The following CALHM6 variants were observed in gnomAD, a reference collection of about 807,000 sequenced individuals.
CALHM6 encodes calcium homeostasis modulator family member 6.
In CALHM6, 15 loss-of-function variants were observed where a neutral mutation model predicts 12.7. That is an observed-to-expected ratio of 1.18 (90% CI 0.79 to 1.82). The LOEUF is 1.82. Among genes scored for constraint, CALHM6 ranks in the 40% most tolerant of loss-of-function variants. The pLI, the probability that CALHM6 is intolerant of heterozygous loss-of-function variation, is 0.00. For missense variants in CALHM6, 434 were observed against 421.0 expected, an observed-to-expected ratio of 1.03 and a Z score of -0.27; for synonymous variants, 212 against 193.7, an observed-to-expected ratio of 1.09 and a Z score of -0.78.
In CALHM6 at chr6:116,461,962, C is replaced by G; in HGVS notation, c.33C>G (p.His11Gln). The change falls in exon 2 of 3, where the codon CAC becomes CAG. Residue 11 changes from histidine (H) to glutamine (Q), a missense_variant. His to Gln is a conservative substitution (Grantham distance 24). Coordinates refer to ENST00000368605, the MANE Select transcript of CALHM6 (RefSeq NM_001010919.3). MEKFRAVLDLHVKHHSALGYG... is the reference protein window; with the variant it reads MEKFRAVLDLQVKHHSALGYG... ...AGTTTCGGGCGGTGCTGGACCTGCA[C>G]GTCAAGCACCACAGCGCCTTGGGCT... is the stretch of plus-strand genomic sequence containing the variant. 6.5e-7 allele frequency: 1 copy of G among 1,542,432 alleles called. No individual in the cohort carries two copies. The highest frequency in any genetic ancestry group is 8.8e-7 in the Non-Finnish European group (1 of 1,141,660).
Position 116,463,530 on chromosome 6 carries a change from A to T in CALHM6, c.773A>T (p.Gln258Leu). Residue 258 changes from glutamine to leucine, a missense_variant, in exon 3 of 3, where the codon CAG becomes CTG. Coordinates refer to ENST00000368605, the MANE Select transcript of CALHM6 (RefSeq NM_001010919.3). Reference sequence around the variant, plus strand: ...AACACTCCAAGCATGAAAGAGTGGCAGCAAATTTCATCACTGTATACTTTC... The same window carrying T: ...AACACTCCAAGCATGAAAGAGTGGCTGCAAATTTCATCACTGTATACTTTC... ...EYNTPSMKEWQQISSLYTFNP... is the reference protein window; with the variant it reads ...EYNTPSMKEWLQISSLYTFNP... 1 of 1,614,182 alleles carries T rather than the reference A, an allele frequency of 6.2e-7. No individual in the cohort carries two copies. The highest frequency in any genetic ancestry group is 8.5e-7 in the Non-Finnish European group (1 of 1,180,018).
Position 116,462,235 on chromosome 6 carries a change from C to T in CALHM6, c.306C>T (p.Ile102=), listed in dbSNP as rs1029491856. ...ALRGSLVCTQ[I]SAAAALAPLT... ...GCGGCTCCCTGGTGTGCACGCAAAT[C>T]AGCGCGGCCGCCGCGCTCGCGCCCC... Residue 102 remains isoleucine (I), a synonymous_variant, in exon 2 of 3, where the codon ATC becomes ATT. Coordinates refer to ENST00000368605, the MANE Select transcript of CALHM6 (RefSeq NM_001010919.3). 1.5e-6 allele frequency: 2 copies of T among 1,379,156 alleles called. No homozygotes were observed. Among genetic ancestry groups the T allele is most frequent in the Non-Finnish European group, 9.3e-7 (1 of 1,071,780 alleles). The allele number at this position is 1,379,156 out of a possible 1,614,324, so 85.4% of individuals were successfully genotyped here.
At position 116,462,339 on chromosome 6, in the gene CALHM6, G is replaced by A. The variant is rs926378531; in HGVS notation, c.410G>A (p.Arg137His). 9 of 1,448,370 alleles carry A rather than the reference G, an allele frequency of 6.2e-6. No homozygotes were observed. In the East Asian group the frequency reaches 1.2e-4, roughly 19 times the overall value. The allele number at this position is 1,448,370 out of a possible 1,614,324, so 89.7% of individuals were successfully genotyped here. The change falls in exon 2 of 3, where the codon CGC (arginine) becomes CAC (histidine). Residue 137 changes from arginine to histidine, a missense_variant. Transcript: ENST00000368605. ...ACCGGGAGCGCGGCCTTCGCGCAGC[G>A]CCTGTGCCTCGGCCGCAACCGCAGC... is the stretch of plus-strand genomic sequence containing the variant. Reference protein sequence around the residue: ...AATGSAAFAQRLCLGRNRSCA... With the variant: ...AATGSAAFAQHLCLGRNRSCA...
In CALHM6 at chr6:116,462,335, C is replaced by T. The variant is rs1365610327; in HGVS notation, c.406C>T (p.Gln136Ter). 1 of 1,445,804 alleles carries T rather than the reference C, an allele frequency of 6.9e-7. No individual in the cohort carries two copies. Among genetic ancestry groups the T allele is most frequent in the Admixed American group, 2.7e-5 (1 of 37,010 alleles). 89.6% of individuals were successfully genotyped at this position (1,445,804 alleles called of 1,614,324 possible). A position where few individuals can be genotyped will look rare whatever the true frequency, so the allele number is the denominator to read the frequency against. The part of the protein sequence containing the change: ...CAATGSAAFA[Q>*]RLCLGRNRSC... ...GGCCACCGGGAGCGCGGCCTTCGCGCAGCGCCTGTGCCTCGGCCGCAACCG... is the reference window on the plus strand; with the variant it reads ...GGCCACCGGGAGCGCGGCCTTCGCGTAGCGCCTGTGCCTCGGCCGCAACCG... The change falls in exon 2 of 3, where the codon CAG becomes TAG. Residue 136 changes from glutamine (Q) to a stop codon, truncating the protein, a stop_gained. Coordinates refer to ENST00000368605, the MANE Select transcript of CALHM6 (RefSeq NM_001010919.3). LOFTEE classifies it high-confidence loss of function.
chr6:116,463,325 C>T lies in CALHM6; in HGVS notation c.568C>T (p.Leu190=), dbSNP rs1228207747. 2.5e-6 allele frequency: 4 copies of T among 1,613,836 alleles called. No individual in the cohort carries two copies. The highest frequency in any genetic ancestry group is 3.4e-6 in the Non-Finnish European group (4 of 1,179,996). ...GATAGCAGTTGTTATCATCATTCTT[C>T]TGATTTTTACATCTGTCACCCGATG... ...ILIAVVIIIL[L]IFTSVTRCLS... The change falls in exon 3 of 3, where the codon CTG becomes TTG. Residue 190 remains leucine, a synonymous_variant. Transcript: ENST00000368605.
At position 116,461,571 on chromosome 6, in the gene CALHM6, C is replaced by T. The variant is rs79282532; in HGVS notation, c.-59+142C>T. The T allele has an allele frequency of 0.016, 12,675 of 808,484 alleles. 1,565 individuals are homozygous for T. The East Asian group carries it at 0.28, about 18-fold the overall frequency. 50.1% of individuals were successfully genotyped at this position (808,484 alleles called of 1,614,324 possible). A position where few individuals can be genotyped will look rare whatever the true frequency, so the allele number is the denominator to read the frequency against. ...GGTCAAGAAGGTTAGTTTCCTGGTT[C>T]GTTGTCAGATTGGTGGTAATAAAGG... is the stretch of plus-strand genomic sequence containing the variant. On this transcript the variant is annotated intron_variant, in intron 1 of 2. Transcript: ENST00000368605.
chr6:116,462,212 GGCTCCCTGGTGT>G lies in CALHM6; in HGVS notation c.286_297del (p.Ser96_Cys99del). On this transcript the variant is annotated inframe_deletion, in exon 2 of 3. Transcript: ENST00000368605. ...CGCGAGTTGCGGATCGGCGCTGCGC[GGCTCCCTGGTGT>G]GCACGCAAATCAGCGCGGCCGCCGC... is the stretch of plus-strand genomic sequence containing the variant. 1 of 1,474,158 alleles carries G rather than the reference GGCTCCCTGGTGT, an allele frequency of 6.8e-7. No homozygotes were observed. The highest frequency in any genetic ancestry group is 9.0e-7 in the Non-Finnish European group (1 of 1,116,618). 91.3% of individuals were successfully genotyped at this position (1,474,158 alleles called of 1,614,324 possible). A position where few individuals can be genotyped will look rare whatever the true frequency, so the allele number is the denominator to read the frequency against.
rs1167795887 is a variant in CALHM6 at position 116,463,761 on chromosome 6, A to C, written c.*56A>C. 16 of 1,364,844 alleles carry C rather than the reference A, an allele frequency of 1.2e-5. No homozygotes were observed. The highest frequency in any genetic ancestry group is 2.4e-5 in the East Asian group (1 of 42,144). 84.5% of individuals were successfully genotyped at this position (1,364,844 alleles called of 1,614,324 possible). On this transcript the variant is annotated 3_prime_UTR_variant, in exon 3 of 3. Transcript: ENST00000368605. ...TTGAATTATTGCTTTATTAAAAAAT[A>C]AACATTGGTATTTTTTGAGTGCTTT...
intron 2 of CALHM6, 124 bp from the exon 3 acceptor site, chr6:116,463,159 A>C: frequency 1.1e-6 from 1 of 918,948 alleles, no homozygotes; most frequent in Non-Finnish European, 1.7e-6. Context: ...TAAGGAATTA[A>C]GACCTAAAAC....
chr6:116,462,608 A>G, intron 2 of CALHM6, 154 bp downstream of exon 2: 7 of 515,358 alleles, frequency 1.4e-5, no homozygotes, highest in Non-Finnish European at 2.4e-5. Context: ...TGCCGTCAAG[A>G]GAATATCTGA....
In CALHM6 at chr6:116,462,341, C is replaced by G. The variant is rs909923041; in HGVS notation, c.412C>G (p.Leu138Val). The G allele has an allele frequency of 6.9e-7, 1 of 1,452,958 alleles. No individual in the cohort carries two copies. 90.0% of individuals were successfully genotyped at this position (1,452,958 alleles called of 1,614,324 possible). A position where few individuals can be genotyped will look rare whatever the true frequency, so the allele number is the denominator to read the frequency against. ...ATGSAAFAQRLCLGRNRSCAA... is the reference protein window; with the variant it reads ...ATGSAAFAQRVCLGRNRSCAA... Reference sequence around the variant, plus strand: ...CGGGAGCGCGGCCTTCGCGCAGCGCCTGTGCCTCGGCCGCAACCGCAGCTG... The same window carrying G: ...CGGGAGCGCGGCCTTCGCGCAGCGCGTGTGCCTCGGCCGCAACCGCAGCTG... Residue 138 changes from leucine to valine, a missense_variant, in exon 2 of 3, where the codon CTG becomes GTG. Transcript: ENST00000368605.
chr6:116,462,559 T>A, intron 2 of CALHM6, 105 bp downstream of exon 2: 1 of 677,610 alleles, frequency 1.5e-6, no homozygotes, highest in Non-Finnish European at 2.3e-6. Context: ...AGATATACAG[T>A]ACCCTAAGAA....
In CALHM6 at chr6:116,462,202, G is replaced by C. The variant is rs910939001; in HGVS notation, c.273G>C (p.Ser91=). ...CCSSARASCG[S]ALRGSLVCTQ... ...CCAGCGCCCGCGCGAGTTGCGGATC[G>C]GCGCTGCGCGGCTCCCTGGTGTGCA... is the stretch of plus-strand genomic sequence containing the variant. Residue 91 remains serine (S), a synonymous_variant, in exon 2 of 3, where the codon TCG becomes TCC. Coordinates refer to ENST00000368605, the MANE Select transcript of CALHM6 (RefSeq NM_001010919.3). 9.4e-6 allele frequency: 14 copies of C among 1,491,530 alleles called. No individual in the cohort carries two copies. In the African/African-American group the frequency reaches 1.6e-4, roughly 17 times the overall value. The allele number at this position is 1,491,530 out of a possible 1,614,324, so 92.4% of individuals were successfully genotyped here.
At position 116,463,516 on chromosome 6, in the gene CALHM6, C is replaced by T; in HGVS notation, c.759C>T (p.Ser253=). The change falls in exon 3 of 3, where the codon AGC becomes AGT. Residue 253 remains serine, a synonymous_variant. Transcript: ENST00000368605. ...GSHPKEYNTP[S]MKEWQQISSL... is the part of the protein sequence containing the mutation. ...ATCCAAAAGAATATAACACTCCAAG[C>T]ATGAAAGAGTGGCAGCAAATTTCAT... 3 of 1,614,154 alleles carry T rather than the reference C, an allele frequency of 1.9e-6. No individual in the cohort carries two copies. Among genetic ancestry groups the T allele is most frequent in the Non-Finnish European group, 2.5e-6 (3 of 1,180,020 alleles).
rs779771068 is a variant in CALHM6 at position 116,462,358 on chromosome 6, C to T, written c.429C>T (p.Asn143=). 2 of 1,453,268 alleles carry T rather than the reference C, an allele frequency of 1.4e-6. No homozygotes were observed. Among genetic ancestry groups the T allele is most frequent in the Middle Eastern group, 2.4e-4 (1 of 4,114 alleles). The allele number at this position is 1,453,268 out of a possible 1,614,324, so 90.0% of individuals were successfully genotyped here. ...CGCAGCGCCTGTGCCTCGGCCGCAA[C>T]CGCAGCTGCGCCGCGGAGCTGCCGC... The part of the protein sequence containing the change: ...AFAQRLCLGR[N]RSCAAELPLV... The change falls in exon 2 of 3, where the codon AAC becomes AAT. Residue 143 remains asparagine (N), a synonymous_variant. Coordinates refer to ENST00000368605, the MANE Select transcript of CALHM6 (RefSeq NM_001010919.3).
rs748493626 is a variant in CALHM6 at position 116,463,604 on chromosome 6, A to G, written c.847A>G (p.Lys283Glu). ...CATGTTGCACAAATATGTCAACAGA[A>G]AAGAGAAGACTCACAGTATCAGGTC... is the stretch of plus-strand genomic sequence containing the variant. ...YSMLHKYVNR[K>E]EKTHSIRSTE... Residue 283 changes from lysine (K) to glutamate (E), a missense_variant, in exon 3 of 3, where the codon AAA (lysine) becomes GAA (glutamate). Lys to Glu is a moderately conservative substitution (Grantham distance 56). Transcript: ENST00000368605. 6.2e-7 allele frequency: 1 copy of G among 1,614,182 alleles called. No individual in the cohort carries two copies. Among genetic ancestry groups the G allele is most frequent in the Non-Finnish European group, 8.5e-7 (1 of 1,180,002 alleles).
chr6:116,463,513 A>C lies in CALHM6; in HGVS notation c.756A>C (p.Pro252=), dbSNP rs1487297444. Residue 252 remains proline, a synonymous_variant, in exon 3 of 3, where the codon CCA becomes CCC. Transcript: ENST00000368605. ...CGCATCCAAAAGAATATAACACTCC[A>C]AGCATGAAAGAGTGGCAGCAAATTT... The part of the protein sequence containing the change: ...EGSHPKEYNT[P]SMKEWQQISS... 3.1e-6 allele frequency: 5 copies of C among 1,614,184 alleles called. No individual in the cohort carries two copies. Among genetic ancestry groups the C allele is most frequent in the Non-Finnish European group, 4.2e-6 (5 of 1,180,024 alleles).
chr6:116,462,488 G>A (rs772718572), intron 2 of CALHM6, 34 bp downstream of exon 2: 3 of 1,435,558 alleles, frequency 2.1e-6, no homozygotes, highest in Non-Finnish European at 1.9e-6. Context: ...TTTGGGAGGA[G>A]CCGAGAGGCC....
At chr6:116,462,635 G>A in intron 2 of CALHM6, 181 bp downstream of exon 2, 1 of 495,202 alleles carries the variant, frequency 2.0e-6, no homozygotes, top group Admixed American at 4.2e-5. Flanking sequence ...CGAATGAAAA[G>A]GAGAAAAACG....
Sources: allele counts gnomAD v4.1 joint callset, GRCh38; gene constraint gnomAD v4.1.1; transcripts MANE v1.5; gene names NCBI Gene and HGNC (gene_info 2026-07-23, HGNC 2026-07-21).